FBN2: variants seen among roughly 807,000 people sequenced by gnomAD.
FBN2 encodes fibrillin 2.
In FBN2, 105 loss-of-function variants were observed where a neutral mutation model predicts 355.6. The observed-to-expected ratio is 0.30, with a 90% confidence interval of 0.25 to 0.35. The LOEUF (loss-of-function observed/expected upper bound fraction) is 0.35, where lower values mean the gene tolerates loss of function less well. Ranked by LOEUF, FBN2 falls within the 10% of genes least tolerant of loss-of-function variation. The probability of loss-of-function intolerance (pLI) is 1.00; values close to 1 mark genes in which losing one functional copy is unlikely to be tolerated. For missense variants in FBN2, 3,280 were observed against 3,758.7 expected, an observed-to-expected ratio of 0.87 and a Z score of 3.33; for synonymous variants, 1,350 against 1,301.2, an observed-to-expected ratio of 1.04 and a Z score of -0.81.
chr5:128,477,467 A>C (rs1038423530), intron 5 of FBN2, among the ~76,000 whole-genome samples: 7 of 152,198 alleles, frequency 4.6e-5, no homozygotes, highest in African/African-American at 1.7e-4. Context: ...AAAACACTTA[A>C]AGATAAAAGT....
intron 5 of FBN2, among the ~76,000 whole-genome samples, chr5:128,469,191 G>A (rs917559471): frequency 1.3e-5 from 2 of 152,146 alleles, no homozygotes; most frequent in African/African-American, 4.8e-5. Flanking sequence ...TTTACAGTTT[G>A]TTGGGGGAAA....
At chr5:128,484,557 G>A (rs1446255859) in intron 5 of FBN2, among the ~76,000 whole-genome samples, 1 of 152,186 alleles carries the variant, frequency 6.6e-6, no homozygotes, top group African/African-American at 2.4e-5. Flanking sequence ...GTGAAAAGAT[G>A]TGCAAACTCA....
chr5:128,482,061 T>C (rs954567227), intron 5 of FBN2, among the ~76,000 whole-genome samples: 2 of 152,212 alleles, frequency 1.3e-5, no homozygotes, highest in Admixed American at 1.3e-4. Flanking sequence ...CATAGGATTG[T>C]TCTAACATTG....
chr5:128,471,509 T>C (rs543027363), intron 5 of FBN2, among the ~76,000 whole-genome samples: 3 of 152,282 alleles, frequency 2.0e-5, no homozygotes, highest in African/African-American at 7.2e-5. Context: ...TCAGAAATTT[T>C]AGAATTAAGT....
At chr5:128,506,507 T>C (rs1055336882) in intron 5 of FBN2, among the ~76,000 whole-genome samples, 3 of 152,134 alleles carry the variant, frequency 2.0e-5, no homozygotes, top group Non-Finnish European at 2.9e-5. Context: ...TTAGTTTGTA[T>C]CCTGCAGCCT....
At chr5:128,425,490 G>A (rs1277289588) in intron 7 of FBN2, among the ~76,000 whole-genome samples, 1 of 152,108 alleles carries the variant, frequency 6.6e-6, no homozygotes, top group Non-Finnish European at 1.5e-5. Context: ...GTATTTAATA[G>A]GGAAAATTTA....
intron 36 of FBN2, 69 bp from the exon 37 acceptor site, chr5:128,312,864 T>A: frequency 6.5e-7 from 1 of 1,549,426 alleles, no homozygotes; most frequent in Non-Finnish European, 8.9e-7. Context: ...TAGGGAAAAG[T>A]CACTCAAAGG....
chr5:128,328,448 TA>T (rs1250389816), intron 34 of FBN2: 2 of 610,038 alleles, frequency 3.3e-6, no homozygotes, highest in African/African-American at 1.9e-5. Flanking sequence ...AAGAAATGGT[TA>T]AAAAAGAAAA....
At position 128,335,232 on chromosome 5, in the gene FBN2, C is replaced by A; in HGVS notation, c.3911G>T (p.Gly1304Val). 6.2e-7 allele frequency: 1 copy of A among 1,614,128 alleles called. No individual in the cohort carries two copies. The highest frequency in any genetic ancestry group is 8.5e-7 in the Non-Finnish European group (1 of 1,180,004). The part of the protein sequence containing the change: ...CDGGQCTNIP[G>V]EYRCLCYDGF... ...ATCATAGCAGAGGCAGCGATACTCTCCAGGAATGTTGGTACACTGGCCGCC... is the reference window on the plus strand; with the variant it reads ...ATCATAGCAGAGGCAGCGATACTCTACAGGAATGTTGGTACACTGGCCGCC... Residue 1304 changes from glycine to valine, a missense_variant, in exon 30 of 65, where the codon GGA (glycine) becomes GTA (valine). Transcript: ENST00000262464.
intron 45 of FBN2, 66 bp downstream of exon 45, chr5:128,304,891 T>C: frequency 6.2e-7 from 1 of 1,603,274 alleles, no homozygotes; most frequent in Non-Finnish European, 8.5e-7. Flanking sequence ...TGGCACTTGA[T>C]GGAACTGTGA....
At chr5:128,306,052 C>A in intron 42 of FBN2, 104 bp from the exon 43 acceptor site, 1 of 1,179,540 alleles carries the variant, frequency 8.5e-7, no homozygotes. Context: ...TACAAATATT[C>A]AGTGTCACAA....
chr5:128,456,321 GGGGTGGCTGCAGTCTCGGGATCA>G (rs1358554550), intron 6 of FBN2, among the ~76,000 whole-genome samples: 1 of 152,176 alleles, frequency 6.6e-6, no homozygotes, highest in Non-Finnish European at 1.5e-5. Context: ...CCTAGGGGGA[GGGGTGGCTGCAGTCTCGGGATCA>G]GCAGACTTAG....
At chr5:128,360,589 T>C (rs1751614340) in intron 19 of FBN2, among the ~76,000 whole-genome samples, 1 of 151,872 alleles carries the variant, frequency 6.6e-6, no homozygotes, top group Non-Finnish European at 1.5e-5. Context: ...CTAATTACTG[T>C]TTTTTAGTGG....
chr5:128,487,526 C>A (rs933008725), intron 5 of FBN2, among the ~76,000 whole-genome samples: 4 of 152,246 alleles, frequency 2.6e-5, no homozygotes, highest in East Asian at 1.9e-4. Flanking sequence ...TATCACAATA[C>A]ACATTTTTAA....
chr5:128,474,587 G>A (rs1212737300), intron 5 of FBN2, among the ~76,000 whole-genome samples: 1 of 152,192 alleles, frequency 6.6e-6, no homozygotes, highest in African/African-American at 2.4e-5. Context: ...CCATGAAAAT[G>A]TTACACACAC....
intron 5 of FBN2, among the ~76,000 whole-genome samples, chr5:128,475,197 A>G (rs567941193): frequency 5.9e-5 from 9 of 152,268 alleles, no homozygotes; most frequent in African/African-American, 2.2e-4. Context: ...GTCTCATCTC[A>G]ACAGAAGGGT....
intron 48 of FBN2, among the ~76,000 whole-genome samples, chr5:128,293,709 T>C (rs1749402286): frequency 6.6e-6 from 1 of 152,120 alleles, no homozygotes; most frequent in Non-Finnish European, 1.5e-5. Context: ...TCCCTCCTAG[T>C]GGCTGACACA....
At chr5:128,465,659 C>T (rs1030367806) in intron 5 of FBN2, among the ~76,000 whole-genome samples, 10 of 152,098 alleles carry the variant, frequency 6.6e-5, no homozygotes, top group African/African-American at 1.9e-4. Flanking sequence ...ATTCCTTACA[C>T]GTAAGTTAGT....
chr5:128,301,022 G>A, intron 47 of FBN2, 86 bp from the exon 48 acceptor site: 3 of 1,299,710 alleles, frequency 2.3e-6, no homozygotes, highest in African/African-American at 1.5e-5. Flanking sequence ...ATATTAACAT[G>A]AATTCAACTC....
Sources: allele counts gnomAD v4.1 joint callset (sites outside exome capture counted in the v4.1 genomes callset), GRCh38; gene constraint gnomAD v4.1.1; transcripts MANE v1.5; gene names NCBI Gene and HGNC (gene_info 2026-07-23, HGNC 2026-07-21).